Variants in PKIB observed in about 807,000 individuals in gnomAD.
PKIB encodes PKI-beta.
A neutral mutation model predicts 4.5 loss-of-function variants in PKIB; 2 were observed. The observed-to-expected ratio is 0.44, with a 90% CI of 0.18 to 1.39. The LOEUF is 1.39. Ranked by LOEUF, PKIB falls within the 40% of genes most tolerant of loss-of-function variation. The pLI is 0.27. For synonymous variants in PKIB, 38 were observed against 36.0 expected (o/e 1.06, Z -0.20); for missense variants, 94 against 92.6 (o/e 1.02, Z -0.06).
chr6:122,567,570 A>G lies in PKIB; in HGVS notation c.-247-18351A>G, dbSNP rs551402199. On this transcript the variant is annotated intron_variant, in intron 2 of 6. Transcript: ENST00000392491. The stretch of plus-strand genomic sequence containing the variant: ...CTCAATTTTTAAATTAGCTAATTTA[A>G]TAGAAAATGAGTTATCAATTATTTG... Among the ~76,000 whole-genome samples the G allele has an allele frequency of 2.0e-5, 3 of 152,364 alleles. No homozygotes were observed. In the East Asian group the frequency reaches 5.8e-4, roughly 29 times the overall value.
chr6:122,524,853 C>CT (rs56751688), intron 2 of PKIB, among the ~76,000 whole-genome samples: 2,113 of 151,086 alleles, frequency 0.014, 55 homozygotes, highest in African/African-American at 0.049. Context: ...AGTTGTCTTT[C>CT]TTTTTTTTAA....
chr6:122,489,271 A>G (rs959190910), intron 2 of PKIB, among the ~76,000 whole-genome samples: 1 of 151,614 alleles, frequency 6.6e-6, no homozygotes, highest in South Asian at 2.1e-4. Context: ...ATTTTTGAGA[A>G]AAGTCTTGCT....
At chr6:122,481,960 A>AG (rs757363028) in intron 2 of PKIB, 2 of 108,176 alleles carry the variant, frequency 1.8e-5, no homozygotes, top group East Asian at 2.9e-4. Context: ...AGCAAAGGTA[A>AG]GTTTTGTTTT....
At chr6:122,602,250 G>C (rs1774391747) in intron 3 of PKIB, among the ~76,000 whole-genome samples, 1 of 152,160 alleles carries the variant, frequency 6.6e-6, no homozygotes, top group Non-Finnish European at 1.5e-5. Flanking sequence ...TGTTTCACAA[G>C]AAGCTACTAA....
At chr6:122,603,695 G>A (rs1343810820) in intron 3 of PKIB, among the ~76,000 whole-genome samples, 1 of 152,140 alleles carries the variant, frequency 6.6e-6, no homozygotes, top group Non-Finnish European at 1.5e-5. Context: ...TGGCCAGGCA[G>A]GTCTTGAACT....
intron 4 of PKIB, among the ~76,000 whole-genome samples, chr6:122,718,594 G>C (rs1453039544): frequency 6.6e-6 from 1 of 152,070 alleles, no homozygotes; most frequent in South Asian, 2.1e-4. Context: ...AGAGATTAAA[G>C]ATCATTTTAG....
chr6:122,671,533 T>C (rs1777463420), intron 2 of PKIB, among the ~76,000 whole-genome samples: 1 of 152,178 alleles, frequency 6.6e-6, no homozygotes, highest in South Asian at 2.1e-4. Context: ...CTTCTCCTTC[T>C]ACAGTCCTTG....
chr6:122,550,954 C>T (rs1772657814), intron 2 of PKIB, among the ~76,000 whole-genome samples: 2 of 152,144 alleles, frequency 1.3e-5, no homozygotes, highest in African/African-American at 2.4e-5. Flanking sequence ...TAGTCACAGT[C>T]GTGAAGGTGT....
chr6:122,717,802 C>G lies in PKIB; in HGVS notation c.8C>G (p.Thr3Arg). ...CTATTTGTAGATGTTGCTATGAGGACAGATTCATCAAAAATGACTGACGTG... is the reference window on the plus strand; with the variant it reads ...CTATTTGTAGATGTTGCTATGAGGAGAGATTCATCAAAAATGACTGACGTG... MRTDSSKMTDVES... is the reference protein window; with the variant it reads MRRDSSKMTDVES... The change falls in exon 4 of 5, where the codon ACA becomes AGA. Residue 3 changes from threonine (T) to arginine (R), a missense_variant. Coordinates refer to ENST00000368452, the MANE Select transcript of PKIB (RefSeq NM_181795.3). The G allele has an allele frequency of 6.2e-7, 1 of 1,614,024 alleles. No individual in the cohort carries two copies. The highest frequency in any genetic ancestry group is 8.5e-7 in the Non-Finnish European group (1 of 1,179,966).
At position 122,725,197 on chromosome 6, in the gene PKIB, G is replaced by A. The variant is rs963367814; in HGVS notation, c.*2G>A. The stretch of plus-strand genomic sequence containing the variant: ...AAGCCTCAAAATGAAGAAAAATGAA[G>A]GCTCATAATCTATCAAGAGTGCTGA... On this transcript the variant is annotated 3_prime_UTR_variant, in exon 5 of 5. Transcript: ENST00000368452. 1 of 1,596,642 alleles carries A rather than the reference G, an allele frequency of 6.3e-7. No individual in the cohort carries two copies. The highest frequency in any genetic ancestry group is 2.2e-5 in the East Asian group (1 of 44,670).
chr6:122,615,777 A>G lies in PKIB; in HGVS notation c.-161+5242A>G, dbSNP rs114704283. On this transcript the variant is annotated intron_variant, in intron 1 of 4. Coordinates refer to ENST00000368452, the MANE Select transcript of PKIB (RefSeq NM_181795.3). ...AATGCTGGGGGAGATTGAAGTTATG[A>G]AACTGTAAACCAAGGGATGCCAAGG... Among the ~76,000 whole-genome samples the G allele has an allele frequency of 2.3e-3, 354 of 152,272 alleles. 1 individual carries two copies. Among genetic ancestry groups the G allele is most frequent in the African/African-American group, 8.2e-3 (340 of 41,552 alleles).
intron 2 of PKIB, among the ~76,000 whole-genome samples, chr6:122,639,521 A>G (rs73768334): frequency 6.6e-6 from 1 of 152,176 alleles, no homozygotes; most frequent in Admixed American, 6.5e-5. Context: ...AGACACTGCA[A>G]TTCTCCAGAG....
At chr6:122,479,122 T>G (rs1031920160) in intron 2 of PKIB, 1 of 152,108 alleles carries the variant, frequency 6.6e-6, no homozygotes, top group Admixed American at 6.6e-5. Context: ...GTACCTCAGT[T>G]GGAAATGGAG....
chr6:122,608,258 T>C (rs1177176023), upstream of PKIB, among the ~76,000 whole-genome samples: 1 of 152,208 alleles, frequency 6.6e-6, no homozygotes, highest in Non-Finnish European at 1.5e-5. Flanking sequence ...CCTTAAAACC[T>C]TGTCTTAAAA....
chr6:122,547,858 A>G (rs1271451839), intron 2 of PKIB, among the ~76,000 whole-genome samples: 1 of 151,302 alleles, frequency 6.6e-6, no homozygotes, highest in African/African-American at 2.4e-5. Context: ...CTGTGATTAT[A>G]TAACAAGTGG....
intron 2 of PKIB, among the ~76,000 whole-genome samples, chr6:122,525,593 T>C (rs1777072273): frequency 6.6e-6 from 1 of 152,224 alleles, no homozygotes. Flanking sequence ...GCACATATGT[T>C]ATGTTAACAC....
intron 1 of PKIB, among the ~76,000 whole-genome samples, chr6:122,616,476 A>T (rs549703483): frequency 2.4e-4 from 37 of 152,200 alleles, no homozygotes; most frequent in Non-Finnish European, 5.3e-4. Flanking sequence ...ACGGTTCGGT[A>T]TGCAGGGAAT....
intron 2 of PKIB, among the ~76,000 whole-genome samples, chr6:122,569,462 T>C (rs1773292884): frequency 6.6e-6 from 1 of 152,194 alleles, no homozygotes; most frequent in Non-Finnish European, 1.5e-5. Flanking sequence ...TACAACACCC[T>C]GGCTAACCAA....
At chr6:122,479,878 A>G (rs1775557391) in intron 2 of PKIB, 2 of 152,180 alleles carry the variant, frequency 1.3e-5, no homozygotes, top group African/African-American at 4.8e-5. Flanking sequence ...TATTGACTGT[A>G]AGAGCTTCCC....
Sources: allele counts gnomAD v4.1 joint callset (sites outside exome capture counted in the v4.1 genomes callset), GRCh38; gene constraint gnomAD v4.1.1; transcripts MANE v1.5; gene names NCBI Gene and HGNC (gene_info 2026-07-23, HGNC 2026-07-21).